Variants in TAOK1 observed in about 807,000 individuals in gnomAD.
TAOK1 encodes TAO kinase 1.
Under a neutral mutation model 138.3 loss-of-function variants are expected in TAOK1, and 21 were observed. The observed-to-expected ratio is 0.15, with a 90% CI of 0.11 to 0.22. TAOK1 has a LOEUF of 0.22. TAOK1 is among the 10% of genes least tolerant of loss of function. The probability of loss-of-function intolerance (pLI) is 1.00; values close to 1 mark genes in which losing one functional copy is unlikely to be tolerated. For missense variants in TAOK1, 651 were observed against 1,227.7 expected, an observed-to-expected ratio of 0.53 and a Z score of 7.02; for synonymous variants, 361 against 398.4, an observed-to-expected ratio of 0.91 and a Z score of 1.12.
chr17:29,465,127 AATTTTTTTTTTTT>A (rs2030629110), intron 2 of TAOK1, among the ~76,000 whole-genome samples: 1 of 100,834 alleles, frequency 9.9e-6, no homozygotes, highest in African/African-American at 4.2e-5. Flanking sequence ...GGTCTTATTT[AATTTTTTTTTTTT>A]TTTTTTTTTT....
At chr17:29,407,834 T>C (rs1014330580) in intron 1 of TAOK1, among the ~76,000 whole-genome samples, 38 of 152,108 alleles carry the variant, frequency 2.5e-4, no homozygotes, top group African/African-American at 8.9e-4. Flanking sequence ...AGTTTCTCCT[T>C]ATTTACCTAC....
At chr17:29,495,759 A>G (rs1027651639) in intron 11 of TAOK1, 32 bp downstream of exon 11, 4 of 1,497,462 alleles carry the variant, frequency 2.7e-6, no homozygotes, top group Non-Finnish European at 3.6e-6. Flanking sequence ...CCAATATTGA[A>G]TTTTCACTTT....
intron 1 of TAOK1, among the ~76,000 whole-genome samples, chr17:29,448,714 C>G (rs550806520): frequency 6.6e-6 from 1 of 151,976 alleles, no homozygotes; most frequent in South Asian, 2.1e-4. Context: ...ACTGTTTGTT[C>G]TGTAAGTATT....
At chr17:29,511,588 C>G (rs979254238) in intron 15 of TAOK1, 1 of 152,120 alleles carries the variant, frequency 6.6e-6, no homozygotes, top group Non-Finnish European at 1.5e-5. Context: ...TTCTGTTCCA[C>G]GGGCTGGAGT....
chr17:29,416,455 A>C (rs550224048), intron 1 of TAOK1, among the ~76,000 whole-genome samples: 2 of 152,182 alleles, frequency 1.3e-5, no homozygotes, highest in South Asian at 4.1e-4. Flanking sequence ...AAGACTTCTC[A>C]AAGAGAAGTC....
chr17:29,425,493 G>A (rs963726563), intron 1 of TAOK1, among the ~76,000 whole-genome samples: 1 of 152,160 alleles, frequency 6.6e-6, no homozygotes, highest in Non-Finnish European at 1.5e-5. Flanking sequence ...AGCCTGGGCA[G>A]CATGGCGATA....
intron 15 of TAOK1, 119 bp downstream of exon 15, chr17:29,511,111 G>C: frequency 1.2e-6 from 1 of 859,350 alleles, no homozygotes. Flanking sequence ...TCACTAAATG[G>C]GTATTAGTTT....
chr17:29,546,605 C>T lies in TAOK1; in HGVS notation c.*3583C>T, dbSNP rs1001798464. The T allele has an allele frequency of 6.6e-6, 1 of 152,046 alleles. No homozygotes were observed. The highest frequency in any genetic ancestry group is 1.5e-5 in the Non-Finnish European group (1 of 67,964). 9.4% of individuals were successfully genotyped at this position (152,046 alleles called of 1,614,324 possible). A position where few individuals can be genotyped will look rare whatever the true frequency, so the allele number is the denominator to read the frequency against. The stretch of plus-strand genomic sequence containing the variant: ...TGCATTTCTCCATTTGTGCCATTCA[C>T]TAGTGGAAATAAATTGTATTATACC... On this transcript the variant is annotated 3_prime_UTR_variant, in exon 20 of 20. Transcript: ENST00000261716.
intron 18 of TAOK1, among the ~76,000 whole-genome samples, chr17:29,531,129 T>A (rs2032098258): frequency 7.1e-6 from 1 of 141,502 alleles, no homozygotes; most frequent in African/African-American, 2.6e-5. Flanking sequence ...GCCCGGCTAA[T>A]TTTTTTTTTT....
chr17:29,390,628 G>C lies in TAOK1; in HGVS notation c.-491G>C, dbSNP rs955213810. 3 of 152,230 alleles carry C rather than the reference G, an allele frequency of 2.0e-5. No homozygotes were observed. The highest frequency in any genetic ancestry group is 4.4e-5 in the Non-Finnish European group (3 of 68,160). 9.4% of individuals were successfully genotyped at this position (152,230 alleles called of 1,614,324 possible). On this transcript the variant is annotated 5_prime_UTR_variant, in exon 1 of 20. Transcript: ENST00000261716. ...ACCAGGGGTGGTGTTGGTGGCGGAGGGCTGCGCGTGGGCCCGCCCGCCGAG... is the reference window on the plus strand; with the variant it reads ...ACCAGGGGTGGTGTTGGTGGCGGAGCGCTGCGCGTGGGCCCGCCCGCCGAG...
At chr17:29,437,437 A>T (rs575621535) in intron 1 of TAOK1, among the ~76,000 whole-genome samples, 8 of 152,106 alleles carry the variant, frequency 5.3e-5, no homozygotes, top group Admixed American at 5.2e-4. Context: ...ACCTCAAGTG[A>T]TCTGCCTGCC....
chr17:29,526,743 C>G (rs531665695), intron 17 of TAOK1, among the ~76,000 whole-genome samples: 2 of 145,982 alleles, frequency 1.4e-5, no homozygotes, highest in South Asian at 4.3e-4. Context: ...TGGTGCTACT[C>G]AGCCTGAGCA....
At chr17:29,476,764 T>C (rs1188665984) in intron 4 of TAOK1, among the ~76,000 whole-genome samples, 1 of 152,186 alleles carries the variant, frequency 6.6e-6, no homozygotes, top group Non-Finnish European at 1.5e-5. Context: ...AATACCACAA[T>C]GTGAATGCCA....
intron 1 of TAOK1, among the ~76,000 whole-genome samples, chr17:29,410,537 G>A (rs1424328686): frequency 6.6e-6 from 1 of 151,242 alleles, no homozygotes; most frequent in African/African-American, 2.4e-5. Context: ...ACAGGCGCGA[G>A]CCACCACAAC....
At chr17:29,470,743 T>G (rs890183801) in intron 3 of TAOK1, among the ~76,000 whole-genome samples, 1 of 152,312 alleles carries the variant, frequency 6.6e-6, no homozygotes, top group Non-Finnish European at 1.5e-5. Flanking sequence ...TTGGAGATAT[T>G]GTGGGTTTTG....
intron 1 of TAOK1, among the ~76,000 whole-genome samples, chr17:29,444,935 A>T (rs1051244631): frequency 7.9e-5 from 12 of 152,080 alleles, no homozygotes; most frequent in Non-Finnish European, 1.5e-4. Flanking sequence ...GCTATTTTGT[A>T]CATTTTTGGG....
chr17:29,450,658 CAT>C (rs1476911940), intron 1 of TAOK1, among the ~76,000 whole-genome samples: 2 of 152,156 alleles, frequency 1.3e-5, no homozygotes, highest in Non-Finnish European at 2.9e-5. Flanking sequence ...ACTATAAGTG[CAT>C]GACACCACTC....
At chr17:29,440,987 T>C (rs1018728237) in intron 1 of TAOK1, among the ~76,000 whole-genome samples, 13 of 152,234 alleles carry the variant, frequency 8.5e-5, no homozygotes, top group African/African-American at 2.2e-4. Context: ...ATATATTACA[T>C]TGATTTCTTT....
chr17:29,516,406 C>T (rs560823091), intron 15 of TAOK1, among the ~76,000 whole-genome samples: 1 of 151,152 alleles, frequency 6.6e-6, no homozygotes, highest in African/African-American at 2.4e-5. Flanking sequence ...ACAATCTTGG[C>T]TCACTGCAAC....
Sources: allele counts gnomAD v4.1 joint callset (sites outside exome capture counted in the v4.1 genomes callset), GRCh38; gene constraint gnomAD v4.1.1; transcripts MANE v1.5; gene names NCBI Gene and HGNC (gene_info 2026-07-23, HGNC 2026-07-21).